PCDH9: variants seen among roughly 807,000 people sequenced by gnomAD.
The protein encoded by PCDH9 is protocadherin-9.
PCDH9 carries 24 observed loss-of-function variants against 70.6 expected under a neutral mutation model. The ratio of observed to expected loss-of-function variants is 0.34; its 90% confidence interval spans 0.25 to 0.48. The LOEUF is 0.48. Ranked by LOEUF, PCDH9 falls within the 20% of genes least tolerant of loss-of-function variation. The pLI, the probability that PCDH9 is intolerant of heterozygous loss-of-function variation, is 0.99. For missense variants in PCDH9, 1,281 were observed against 1,503.6 expected (o/e 0.85, Z 2.45); for synonymous variants, 562 against 558.5 (o/e 1.01, Z -0.09).
chr13:66,734,868 G>A (rs563028836), intron 3 of PCDH9, among the ~76,000 whole-genome samples: 12 of 152,202 alleles, frequency 7.9e-5, no homozygotes, highest in African/African-American at 2.6e-4. Context: ...AAATTCAAAA[G>A]CAACTCCATT....
At chr13:67,069,854 G>C (rs2085725106) in intron 2 of PCDH9, among the ~76,000 whole-genome samples, 1 of 152,056 alleles carries the variant, frequency 6.6e-6, no homozygotes, top group Non-Finnish European at 1.5e-5. Context: ...TCTTGGGATT[G>C]TCAAATGTTG....
chr13:67,027,937 G>A (rs1638381934), intron 2 of PCDH9, among the ~76,000 whole-genome samples: 1 of 151,136 alleles, frequency 6.6e-6, no homozygotes, highest in Non-Finnish European at 1.5e-5. Context: ...TGGAGAGGAT[G>A]TGGAGAAATA....
At position 66,675,952 on chromosome 13, in the gene PCDH9, G is replaced by A. The variant is rs1047836309; in HGVS notation, c.3139-44541C>T. On this transcript the variant is annotated intron_variant, in intron 3 of 4. Transcript: ENST00000377865. ...ACTTTTATTATTCTGGTCTATATTC[G>A]TGCATTACACGAAGTAATTTGAAAC... Among the ~76,000 whole-genome samples, 6 of 151,922 alleles carry A rather than the reference G, an allele frequency of 3.9e-5. No homozygotes were observed. The East Asian group carries it at 7.7e-4, about 20-fold the overall frequency.
intron 4 of PCDH9, among the ~76,000 whole-genome samples, chr13:66,541,688 C>A (rs1320550207): frequency 1.3e-5 from 2 of 152,092 alleles, no homozygotes; most frequent in African/African-American, 2.4e-5. Flanking sequence ...CCCAGTGTAA[C>A]CTCATCTTAA....
intron 2 of PCDH9, chr13:67,214,936 A>ATATG (rs2089558497): frequency 8.8e-5 from 1 of 11,312 alleles, no homozygotes; most frequent in Admixed American, 9.5e-4. Context: ...TGCGAGCCAG[A>ATATG]TATATATATA....
chr13:67,021,500 C>T (rs992998791), intron 2 of PCDH9, among the ~76,000 whole-genome samples: 1 of 152,076 alleles, frequency 6.6e-6, no homozygotes, highest in African/African-American at 2.4e-5. Flanking sequence ...TTCTTTTATA[C>T]TTCTGGGTTT....
chr13:67,078,345 G>A (rs932804635), intron 2 of PCDH9, among the ~76,000 whole-genome samples: 1 of 152,082 alleles, frequency 6.6e-6, no homozygotes, highest in Admixed American at 6.5e-5. Flanking sequence ...CTCTTCTTTT[G>A]TAAGTGTGAA....
intron 4 of PCDH9, among the ~76,000 whole-genome samples, chr13:66,607,927 GA>G (rs1374050711): frequency 6.6e-6 from 1 of 151,972 alleles, no homozygotes; most frequent in African/African-American, 2.4e-5. Context: ...AGATGTGAAT[GA>G]AATATAGCAG....
chr13:66,653,247 G>A (rs916323787), intron 3 of PCDH9, among the ~76,000 whole-genome samples: 1 of 152,022 alleles, frequency 6.6e-6, no homozygotes, highest in Non-Finnish European at 1.5e-5. Context: ...GAAAATATTG[G>A]CAAACTATCC....
intron 4 of PCDH9, among the ~76,000 whole-genome samples, chr13:66,601,857 C>G (rs902065557): frequency 3.4e-5 from 5 of 145,766 alleles, no homozygotes; most frequent in African/African-American, 1.2e-4. Context: ...CTGGTGTAAA[C>G]AAAACTACTG....
At chr13:67,168,024 G>C (rs1168654312) in intron 2 of PCDH9, among the ~76,000 whole-genome samples, 1 of 152,104 alleles carries the variant, frequency 6.6e-6, no homozygotes, top group Non-Finnish European at 1.5e-5. Flanking sequence ...CACAGTGATA[G>C]ATAACAAAAG....
At chr13:66,879,536 T>C (rs1333177723) in intron 3 of PCDH9, among the ~76,000 whole-genome samples, 3 of 152,158 alleles carry the variant, frequency 2.0e-5, no homozygotes, top group African/African-American at 4.8e-5. Flanking sequence ...TCATTACAGA[T>C]GACATGATAG....
intron 2 of PCDH9, among the ~76,000 whole-genome samples, chr13:67,154,527 G>A (rs1208447563): frequency 3.0e-5 from 4 of 133,674 alleles, no homozygotes; most frequent in African/African-American, 5.6e-5. Flanking sequence ...AGTGAGCCAC[G>A]ATTTTGCCAC....
intron 4 of PCDH9, among the ~76,000 whole-genome samples, chr13:66,484,026 T>C (rs1958893621): frequency 1.3e-5 from 2 of 152,270 alleles, no homozygotes; most frequent in African/African-American, 4.8e-5. Context: ...AGGAGAGCCC[T>C]GGCCGCCAAG....
At chr13:66,929,513 G>A (rs1210011106) in intron 2 of PCDH9, among the ~76,000 whole-genome samples, 1 of 151,858 alleles carries the variant, frequency 6.6e-6, no homozygotes, top group Non-Finnish European at 1.5e-5. Flanking sequence ...TAGTACAGAT[G>A]GGGTTTCACC....
At chr13:67,156,765 C>G (rs1298036067) in intron 2 of PCDH9, among the ~76,000 whole-genome samples, 1 of 152,150 alleles carries the variant, frequency 6.6e-6, no homozygotes, top group African/African-American at 2.4e-5. Flanking sequence ...AGAGAGCATC[C>G]TGTAACACAC....
chr13:67,053,593 T>C (rs538663752), intron 2 of PCDH9, among the ~76,000 whole-genome samples: 1 of 151,934 alleles, frequency 6.6e-6, no homozygotes, highest in Non-Finnish European at 1.5e-5. Context: ...TCAAAAGGAG[T>C]GACTTTATGC....
At position 66,928,915 on chromosome 13, in the gene PCDH9, G is replaced by A. The variant is rs568891694; in HGVS notation, c.3037-25310C>T. ...AAACTTTCCATATCAGGGTGAAGTAGGACTATACTTTCATAGTCATGACTG... is the reference window on the plus strand; with the variant it reads ...AAACTTTCCATATCAGGGTGAAGTAAGACTATACTTTCATAGTCATGACTG... On this transcript the variant is annotated intron_variant, in intron 2 of 4. Coordinates refer to ENST00000377865, the MANE Select transcript of PCDH9 (RefSeq NM_203487.3). Among the ~76,000 whole-genome samples the A allele has an allele frequency of 5.3e-5, 8 of 152,158 alleles. No individual in the cohort carries two copies. The East Asian group carries it at 1.4e-3, about 26-fold the overall frequency.
At chr13:66,433,347 TA>T (rs1398500294) in intron 4 of PCDH9, among the ~76,000 whole-genome samples, 13 of 152,020 alleles carry the variant, frequency 8.6e-5, no homozygotes, top group Non-Finnish European at 1.5e-4. Context: ...CATCATTTAT[TA>T]AAAATCTAAG....
Sources: allele counts gnomAD v4.1 joint callset (sites outside exome capture counted in the v4.1 genomes callset), GRCh38; gene constraint gnomAD v4.1.1; transcripts MANE v1.5; gene names NCBI Gene and HGNC (gene_info 2026-07-23, HGNC 2026-07-21).